TLE4: variants seen among roughly 807,000 people sequenced by gnomAD.
TLE4 encodes transducin-like enhancer protein 4.
Under a neutral mutation model 92.8 loss-of-function variants are expected in TLE4, and 8 were observed. The observed-to-expected ratio is 0.09, with a 90% CI of 0.05 to 0.16. The LOEUF is 0.16. Ranked by LOEUF, TLE4 falls within the 10% of genes least tolerant of loss-of-function variation. The pLI is 1.00. For synonymous variants in TLE4, 371 were observed against 374.1 expected, an observed-to-expected ratio of 0.99 and a Z score of 0.10; for missense variants, 675 against 997.6, an observed-to-expected ratio of 0.68 and a Z score of 4.36.
At chr9:79,620,491 C>T (rs2050692306) in intron 5 of TLE4, among the ~76,000 whole-genome samples, 1 of 152,184 alleles carries the variant, frequency 6.6e-6, no homozygotes, top group South Asian at 2.1e-4. Flanking sequence ...GGTAGGCAGT[C>T]AGTAATGTGC....
chr9:79,708,866 C>T (rs895424423), intron 13 of TLE4, 80 bp downstream of exon 13: 49 of 1,470,472 alleles, frequency 3.3e-5, no homozygotes, highest in Non-Finnish European at 3.9e-5. Flanking sequence ...GGGTCTCGCT[C>T]TGTCACCCAG....
At chr9:79,665,237 T>A (rs1174317520) in intron 8 of TLE4, among the ~76,000 whole-genome samples, 1 of 152,192 alleles carries the variant, frequency 6.6e-6, no homozygotes. Context: ...TGAAACCTGT[T>A]GGTATTGACA....
At chr9:79,641,995 A>T (rs766624030) in intron 6 of TLE4, among the ~76,000 whole-genome samples, 1 of 151,916 alleles carries the variant, frequency 6.6e-6, no homozygotes, top group Non-Finnish European at 1.5e-5. Flanking sequence ...TATAGAAAAT[A>T]TTAGCGTATG....
At chr9:79,605,188 G>C (rs1355294939) in intron 4 of TLE4, among the ~76,000 whole-genome samples, 1 of 152,102 alleles carries the variant, frequency 6.6e-6, no homozygotes, top group Non-Finnish European at 1.5e-5. Context: ...GTTCTGTGCA[G>C]GCTGAAAGTA....
In TLE4 at chr9:79,720,273, G is replaced by C. The variant is rs1463567349; in HGVS notation, c.1818G>C (p.Leu606=). Residue 606 remains leucine, a synonymous_variant, in exon 16 of 20, where the codon CTG becomes CTC. Coordinates refer to ENST00000376552, the MANE Select transcript of TLE4 (RefSeq NM_007005.6). ...CSDGNIAVWD[L]HNQTLVRQFQ... is the part of the protein sequence containing the mutation. ...ACGGCAACATCGCTGTGTGGGATCT[G>C]CACAACCAGACCTTGGTGAGGTAGG... is the stretch of plus-strand genomic sequence containing the variant. 6.2e-7 allele frequency: 1 copy of C among 1,613,234 alleles called. No homozygotes were observed. The highest frequency in any genetic ancestry group is 8.5e-7 in the Non-Finnish European group (1 of 1,179,430).
chr9:79,687,171 T>C (rs1270360100), intron 8 of TLE4, among the ~76,000 whole-genome samples: 1 of 152,222 alleles, frequency 6.6e-6, no homozygotes, highest in Non-Finnish European at 1.5e-5. Context: ...CTCCCCCGAA[T>C]CGTAATTGCC....
At chr9:79,680,514 A>C (rs548620488) in intron 8 of TLE4, among the ~76,000 whole-genome samples, 1 of 152,318 alleles carries the variant, frequency 6.6e-6, no homozygotes, top group East Asian at 1.9e-4. Flanking sequence ...TATCAGCTTA[A>C]GGAGATTTTG....
chr9:79,587,188 G>A (rs1405131248), intron 4 of TLE4, among the ~76,000 whole-genome samples: 1 of 152,188 alleles, frequency 6.6e-6, no homozygotes, highest in Non-Finnish European at 1.5e-5. Flanking sequence ...TAAAGGAGTG[G>A]TTTAATTTTT....
intron 8 of TLE4, among the ~76,000 whole-genome samples, chr9:79,672,706 C>T (rs978042020): frequency 1.3e-5 from 2 of 152,106 alleles, no homozygotes; most frequent in African/African-American, 4.8e-5. Context: ...CTTTTGCTTG[C>T]TTAGCTCAGG....
intron 8 of TLE4, among the ~76,000 whole-genome samples, chr9:79,684,345 ACCC>A (rs2065336368): frequency 6.6e-6 from 1 of 152,108 alleles, no homozygotes; most frequent in African/African-American, 2.4e-5. Context: ...TCCTGTTAGA[ACCC>A]AGGCTGCACA....
chr9:79,712,008 ATGCAC>A (rs1483600536), intron 14 of TLE4, among the ~76,000 whole-genome samples: 1 of 152,200 alleles, frequency 6.6e-6, no homozygotes, highest in Non-Finnish European at 1.5e-5. Context: ...GAGTGGCTTT[ATGCAC>A]AATTTCTTTG....
intron 8 of TLE4, chr9:79,671,613 G>A (rs1211606137): frequency 4.9e-6 from 1 of 202,572 alleles, no homozygotes; most frequent in Non-Finnish European, 1.1e-5. Flanking sequence ...CTGTCAATAA[G>A]GTTGGCTGTT....
At chr9:79,666,198 G>GT (rs1564759887) in intron 8 of TLE4, among the ~76,000 whole-genome samples, 101 of 128,122 alleles carry the variant, frequency 7.9e-4, no homozygotes, top group African/African-American at 2.7e-3. Flanking sequence ...TGTGTGTGTG[G>GT]GTGGGGTTTT....
intron 4 of TLE4, among the ~76,000 whole-genome samples, chr9:79,587,297 T>TA (rs1564164852): frequency 6.6e-6 from 1 of 152,216 alleles, no homozygotes; most frequent in Non-Finnish European, 1.5e-5. Flanking sequence ...GGCCTGGCTT[T>TA]ATGCTGAGCA....
chr9:79,592,620 T>C (rs989620543), intron 4 of TLE4, among the ~76,000 whole-genome samples: 3 of 152,158 alleles, frequency 2.0e-5, no homozygotes, highest in African/African-American at 7.2e-5. Flanking sequence ...TTACTGCCAT[T>C]ACCTTTATAT....
intron 8 of TLE4, among the ~76,000 whole-genome samples, chr9:79,654,733 G>A (rs113016099): frequency 2.0e-5 from 3 of 152,188 alleles, no homozygotes; most frequent in African/African-American, 7.2e-5. Flanking sequence ...AGAATGGGAT[G>A]TGCTAAGGAT....
chr9:79,669,832 G>A (rs1469204576), intron 8 of TLE4, among the ~76,000 whole-genome samples: 1 of 152,212 alleles, frequency 6.6e-6, no homozygotes. Context: ...ATCCTAGAGA[G>A]CAGTGACCAG....
intron 5 of TLE4, among the ~76,000 whole-genome samples, chr9:79,621,302 C>T (rs2133336617): frequency 6.6e-6 from 1 of 152,156 alleles, no homozygotes; most frequent in Non-Finnish European, 1.5e-5. Flanking sequence ...GGAGACTAGC[C>T]AGAAGGATGG....
At chr9:79,639,218 A>G (rs1196288463) in intron 6 of TLE4, among the ~76,000 whole-genome samples, 9 of 152,126 alleles carry the variant, frequency 5.9e-5, no homozygotes, top group Admixed American at 5.2e-4. Flanking sequence ...TCATCTATCC[A>G]TCCCTGGACT....
Sources: gnomAD v4.1 joint callset for allele counts (sites outside exome capture counted in the v4.1 genomes callset) on GRCh38, gnomAD v4.1.1 for gene constraint, MANE v1.5 for transcripts, NCBI Gene and HGNC (gene_info 2026-07-23, HGNC 2026-07-21) for gene names.